The following NRG3 variants were observed in gnomAD, a reference collection of about 807,000 sequenced individuals.
The protein encoded by NRG3 is neuregulin 3, also known as pro-neuregulin-3, membrane-bound isoform.
NRG3 carries 31 observed loss-of-function variants against 66.9 expected under a neutral mutation model. That is an observed-to-expected ratio of 0.46 (90% CI 0.35 to 0.63). The LOEUF (loss-of-function observed/expected upper bound fraction) is 0.63, where lower values mean the gene tolerates loss of function less well. Among genes scored for constraint, NRG3 ranks in the 20% least tolerant of loss-of-function variants. The pLI is 0.00. For missense variants in NRG3, 910 were observed against 878.9 expected (o/e 1.04, Z -0.45); for synonymous variants, 393 against 359.4 (o/e 1.09, Z -1.06).
intron 7 of NRG3, among the ~76,000 whole-genome samples, chr10:82,978,098 A>T (rs1267609603): frequency 6.6e-6 from 1 of 152,150 alleles, no homozygotes; most frequent in Admixed American, 6.5e-5. Flanking sequence ...ATGTCTACAC[A>T]TGAGCAAAGT....
chr10:82,948,922 T>C (rs547082536), intron 4 of NRG3, among the ~76,000 whole-genome samples: 11 of 152,298 alleles, frequency 7.2e-5, no homozygotes, highest in Admixed American at 6.5e-4. Flanking sequence ...CTTGTTACAT[T>C]AACTAAACCT....
At chr10:82,178,452 C>T (rs944848321) in intron 1 of NRG3, among the ~76,000 whole-genome samples, 1 of 152,072 alleles carries the variant, frequency 6.6e-6, no homozygotes, top group Non-Finnish European at 1.5e-5. Flanking sequence ...ATTTTAGATA[C>T]TTTATATAAG....
At chr10:82,387,425 T>A (rs1212943229) in intron 2 of NRG3, among the ~76,000 whole-genome samples, 1 of 152,222 alleles carries the variant, frequency 6.6e-6, no homozygotes, top group Non-Finnish European at 1.5e-5. Flanking sequence ...GGCATTGTCT[T>A]AGGTGACGCA....
intron 3 of NRG3, among the ~76,000 whole-genome samples, chr10:82,817,966 C>T (rs1313922489): frequency 2.0e-5 from 3 of 152,174 alleles, no homozygotes; most frequent in East Asian, 1.9e-4. Flanking sequence ...CTCAAGCCTG[C>T]GGTGGAAGAA....
intron 1 of NRG3, among the ~76,000 whole-genome samples, chr10:82,227,498 T>C (rs1467059170): frequency 6.6e-6 from 1 of 152,152 alleles, no homozygotes; most frequent in Non-Finnish European, 1.5e-5. Context: ...CTTGCTTATC[T>C]TTTGACCTTA....
chr10:82,525,183 T>C (rs1033847431), intron 2 of NRG3, among the ~76,000 whole-genome samples: 1 of 151,842 alleles, frequency 6.6e-6, no homozygotes, highest in Non-Finnish European at 1.5e-5. Flanking sequence ...GGAATTATCA[T>C]TACAAAACTG....
At chr10:82,373,619 A>T (rs2135759070) in intron 2 of NRG3, among the ~76,000 whole-genome samples, 1 of 152,352 alleles carries the variant, frequency 6.6e-6, no homozygotes, top group East Asian at 1.9e-4. Flanking sequence ...GAGGCTAATA[A>T]TAGGACAAGG....
intron 1 of NRG3, among the ~76,000 whole-genome samples, chr10:82,163,006 T>A (rs1450980058): frequency 6.6e-6 from 1 of 152,090 alleles, no homozygotes; most frequent in Admixed American, 6.6e-5. Flanking sequence ...CTATTGATTT[T>A]CAGTTAAATT....
intron 3 of NRG3, among the ~76,000 whole-genome samples, chr10:82,748,056 A>G (rs1054711467): frequency 6.6e-6 from 1 of 151,112 alleles, no homozygotes; most frequent in Non-Finnish European, 1.5e-5. Context: ...TAAATTAATT[A>G]TATAATATAT....
intron 3 of NRG3, among the ~76,000 whole-genome samples, chr10:82,836,091 G>A (rs1246498168): frequency 6.6e-6 from 1 of 152,144 alleles, no homozygotes; most frequent in African/African-American, 2.4e-5. Flanking sequence ...TGAAAATCAT[G>A]TGAAATTCAA....
intron 6 of NRG3, among the ~76,000 whole-genome samples, chr10:82,965,768 G>A (rs1424304341): frequency 2.6e-5 from 4 of 151,966 alleles, no homozygotes; most frequent in Non-Finnish European, 5.9e-5. Context: ...TTAGCACAGA[G>A]CATAAAATGT....
intron 1 of NRG3, among the ~76,000 whole-genome samples, chr10:82,130,160 C>G (rs2068719516): frequency 6.6e-6 from 1 of 151,050 alleles, no homozygotes; most frequent in African/African-American, 2.4e-5. Flanking sequence ...TTTTGCTTCT[C>G]CATTCATATT....
intron 1 of NRG3, chr10:82,166,855 T>A: frequency 1.5e-6 from 1 of 655,786 alleles, no homozygotes; most frequent in Non-Finnish European, 2.8e-6. Context: ...TTATTTATCT[T>A]CATTACTGAA....
intron 2 of NRG3, among the ~76,000 whole-genome samples, chr10:82,406,626 A>C (rs535725840): frequency 6.6e-6 from 1 of 152,310 alleles, no homozygotes; most frequent in African/African-American, 2.4e-5. Context: ...TCGATTGCCC[A>C]ATTTACAGAC....
At chr10:82,242,246 A>G (rs1351007421) in intron 1 of NRG3, among the ~76,000 whole-genome samples, 1 of 152,070 alleles carries the variant, frequency 6.6e-6, no homozygotes, top group Admixed American at 6.6e-5. Flanking sequence ...TTTGTTTTCT[A>G]TGTCTGGAAT....
intron 1 of NRG3, among the ~76,000 whole-genome samples, chr10:82,171,110 C>T (rs1216050946): frequency 6.6e-6 from 1 of 151,596 alleles, no homozygotes; most frequent in East Asian, 1.9e-4. Flanking sequence ...TTGTTTAATT[C>T]TCATTTAGTC....
intron 1 of NRG3, among the ~76,000 whole-genome samples, chr10:82,079,111 C>T (rs1476259984): frequency 6.6e-6 from 1 of 151,168 alleles, no homozygotes; most frequent in African/African-American, 2.4e-5. Flanking sequence ...CTTTCGCGAT[C>T]TCGGCTCACT....
At chr10:82,840,965 C>A (rs889594300) in intron 3 of NRG3, among the ~76,000 whole-genome samples, 3 of 152,006 alleles carry the variant, frequency 2.0e-5, no homozygotes, top group Non-Finnish European at 4.4e-5. Context: ...TGTAATATTA[C>A]TTGAAAATAG....
chr10:82,251,154 A>G (rs1000758917), intron 1 of NRG3, among the ~76,000 whole-genome samples: 2 of 151,976 alleles, frequency 1.3e-5, no homozygotes, highest in Non-Finnish European at 2.9e-5. Flanking sequence ...AGTATTCTCC[A>G]CTCTATCCTA....
Sources: allele counts gnomAD v4.1 joint callset (sites outside exome capture counted in the v4.1 genomes callset), GRCh38; gene constraint gnomAD v4.1.1; transcripts MANE v1.5; gene names NCBI Gene and HGNC (gene_info 2026-07-23, HGNC 2026-07-21).